Variants in SDK2 observed in about 807,000 individuals in gnomAD.
The protein encoded by SDK2 is protein sidekick-2.
A neutral mutation model predicts 253.9 loss-of-function variants in SDK2; 105 were observed. The ratio of observed to expected loss-of-function variants is 0.41; its 90% confidence interval spans 0.35 to 0.49. The LOEUF is 0.49. SDK2 is among the 20% of genes least tolerant of loss of function. SDK2 has a pLI of 0.06. For missense variants in SDK2, 2,608 were observed against 3,003.0 expected, an observed-to-expected ratio of 0.87 and a Z score of 3.07; for synonymous variants, 1,249 against 1,234.9, an observed-to-expected ratio of 1.01 and a Z score of -0.24.
At position 73,496,775 on chromosome 17, in the gene SDK2, C is replaced by G. The variant is rs2063844854; in HGVS notation, c.224+10663G>C. On this transcript the variant is annotated intron_variant, in intron 2 of 44. Coordinates refer to ENST00000392650, the MANE Select transcript of SDK2 (RefSeq NM_001144952.2). This position sits in a 1 kb window ranked among gnomAD's most constrained non-coding sequence, Gnocchi z 4.7. ...TGATTCCTACTTGCCTGTGAGGATT[C>G]CCCCTCCACTCCCTGCCCCGACTTG... 6.6e-6 allele frequency among the ~76,000 whole-genome samples: 1 copy of G among 152,140 alleles called. No homozygotes were observed. Among genetic ancestry groups the G allele is most frequent in the African/African-American group, 2.4e-5 (1 of 41,424 alleles).
At chr17:73,341,962 G>C (rs2062440779) in intron 44 of SDK2, among the ~76,000 whole-genome samples, 1 of 152,060 alleles carries the variant, frequency 6.6e-6, no homozygotes, top group Non-Finnish European at 1.5e-5. Context: ...GGGTTTTGCT[G>C]GGGAAGTGAT....
rs531663671 is a variant in SDK2, at chr17:73,644,188, C to G, written c.-100G>C. The G allele has an allele frequency of 6.9e-6, 7 of 1,007,336 alleles. No individual in the cohort carries two copies. In the African/African-American group the frequency reaches 9.6e-5, roughly 14 times the overall value. 62.4% of individuals were successfully genotyped at this position (1,007,336 alleles called of 1,614,324 possible). A position where few individuals can be genotyped will look rare whatever the true frequency, so the allele number is the denominator to read the frequency against. On this transcript the variant is annotated 5_prime_UTR_variant, in exon 1 of 45. Transcript: ENST00000392650. This position sits in a 1 kb window ranked among gnomAD's most constrained non-coding sequence, Gnocchi z 6.3. ...TACCCCGTGGCTTAGTCCCAGGAAA[C>G]AGTCAGTCTACGCGGCTCCGTGCCC...
At chr17:73,430,393 C>T in intron 12 of SDK2, 118 bp downstream of exon 12, 1 of 743,614 alleles carries the variant, frequency 1.3e-6, no homozygotes, top group Middle Eastern at 3.6e-4. Flanking sequence ...TGCCACTGCC[C>T]AGGAGAAGGC....
intron 1 of SDK2, among the ~76,000 whole-genome samples, chr17:73,582,960 G>T (rs2045556189): frequency 6.6e-6 from 1 of 152,128 alleles, no homozygotes; most frequent in African/African-American, 2.4e-5. Context: ...CTCTAACGTG[G>T]CAAGTGCCCT....
chr17:73,510,053 C>T lies in SDK2; in HGVS notation c.65-2456G>A, dbSNP rs538030376. ...GGTAGCTGGCTGTGGCTGGGTGCAG[C>T]GGGCCTTCTCCTGCACCCCAGGCTG... On this transcript the variant is annotated intron_variant, in intron 1 of 44. Transcript: ENST00000392650. Among the ~76,000 whole-genome samples, 11 of 151,944 alleles carry T rather than the reference C, an allele frequency of 7.2e-5. No homozygotes were observed. In the South Asian group the frequency reaches 2.1e-3, roughly 29 times the overall value.
intron 1 of SDK2, among the ~76,000 whole-genome samples, chr17:73,598,198 C>T (rs2045787143): frequency 6.6e-6 from 1 of 152,314 alleles, no homozygotes; most frequent in Middle Eastern, 3.4e-3. Context: ...GACTTTGGAG[C>T]CATCTAAGCA....
chr17:73,355,174 A>ATATATATATATATATATATT, intron 40 of SDK2, among the ~76,000 whole-genome samples: 25 of 47,218 alleles, frequency 5.3e-4, no homozygotes, highest in African/African-American at 6.5e-4. Context: ...ATATATATAT[A>ATATATATATATATATATATT]TTTTTTTTTT....
intron 19 of SDK2, 55 bp from the exon 20 acceptor site, chr17:73,401,807 C>A (rs1435724565): frequency 1.1e-5 from 16 of 1,490,714 alleles, no homozygotes; most frequent in Non-Finnish European, 1.2e-5. Context: ...CAGAGAGAGA[C>A]CACCATCTGT....
chr17:73,575,960 T>C (rs12103894), intron 1 of SDK2, among the ~76,000 whole-genome samples: 45,095 of 152,002 alleles, frequency 0.3, 6,987 homozygotes, highest in South Asian at 0.41. Context: ...TGCAGCCCAA[T>C]ACATGCAGCA....
At chr17:73,477,116 G>C (rs1189252088) in intron 2 of SDK2, among the ~76,000 whole-genome samples, 3 of 152,224 alleles carry the variant, frequency 2.0e-5, no homozygotes, top group Non-Finnish European at 2.9e-5. Flanking sequence ...GGGTGGAAGA[G>C]GCATTTGGCC....
intron 2 of SDK2, among the ~76,000 whole-genome samples, chr17:73,499,417 G>A (rs375642290): frequency 1.3e-5 from 2 of 152,224 alleles, no homozygotes; most frequent in Non-Finnish European, 1.5e-5. Context: ...CCCAGCCTGG[G>A]GCCGGCCAGA....
At chr17:73,469,983 C>CGCGCGCGT (rs780035896) in intron 3 of SDK2, among the ~76,000 whole-genome samples, 92 of 94,700 alleles carry the variant, frequency 9.7e-4, no homozygotes, top group African/African-American at 3.0e-3. Flanking sequence ...TTTGCGACTG[C>CGCGCGCGT]GCGCGCGCGC....
At chr17:73,547,007 C>A (rs185070633) in intron 1 of SDK2, among the ~76,000 whole-genome samples, 3 of 152,328 alleles carry the variant, frequency 2.0e-5, no homozygotes, top group Admixed American at 2.0e-4. Context: ...GACTCTGGAG[C>A]CAGGCACTGA....
chr17:73,399,175 T>C lies in SDK2; in HGVS notation c.3086A>G (p.Glu1029Gly). Reference sequence around the variant, plus strand: ...GCCCCAGGCCTGCCCTACCTGGGCTTCCACCAGCCAGCGGGAGATGGAGGT... The same window carrying C: ...GCCCCAGGCCTGCCCTACCTGGGCTCCCACCAGCCAGCGGGAGATGGAGGT... Reference protein sequence around the residue: ...GKTSISRWLVEAQVGVVGEGE... With the variant: ...GKTSISRWLVGAQVGVVGEGE... Residue 1029 changes from glutamate to glycine, a missense_variant, in exon 22 of 45, where the codon GAA becomes GGA. By Grantham distance (98) the Glu-to-Gly change is moderately conservative (BLOSUM62 -2). Around this residue, in one of 2 missense-constraint regions of SDK2, gnomAD observed 1,505 missense variants for 1,859.1 expected, o/e 0.81. Coordinates refer to ENST00000392650, the MANE Select transcript of SDK2 (RefSeq NM_001144952.2). 6.2e-7 allele frequency: 1 copy of C among 1,613,700 alleles called. No homozygotes were observed. The highest frequency in any genetic ancestry group is 8.5e-7 in the Non-Finnish European group (1 of 1,179,864).
chr17:73,348,590 T>C lies in SDK2; in HGVS notation c.6165+9A>G, dbSNP rs774163315. On this transcript the variant is annotated intron_variant, in intron 44 of 44. Transcript: ENST00000392650. ...CCCCCTGCAGGACACCTGGCCCTCC[T>C]GCCCTCACCTGAGAGTCGGAGATTT... The C allele has an allele frequency of 5.6e-6, 9 of 1,611,780 alleles. No individual in the cohort carries two copies. The South Asian group carries it at 7.7e-5, about 14-fold the overall frequency.
At position 73,541,083 on chromosome 17, in the gene SDK2, C is replaced by T. The variant is rs2054067926; in HGVS notation, c.65-33486G>A. Among the ~76,000 whole-genome samples the T allele has an allele frequency of 6.6e-6, 1 of 152,218 alleles. No homozygotes were observed. Among genetic ancestry groups the T allele is most frequent in the South Asian group, 2.1e-4 (1 of 4,830 alleles). On this transcript the variant is annotated intron_variant, in intron 1 of 44. Coordinates refer to ENST00000392650, the MANE Select transcript of SDK2 (RefSeq NM_001144952.2). This position sits in a 1 kb window ranked among gnomAD's most constrained non-coding sequence, Gnocchi z 4.3. ...CCTGAGAGTAGGTGTCTGCCAGTGT[C>T]TGCCCAGCCCCTAACATGGGGCACC...
chr17:73,626,301 G>A (rs2046200821), intron 1 of SDK2, among the ~76,000 whole-genome samples: 1 of 152,180 alleles, frequency 6.6e-6, no homozygotes, highest in African/African-American at 2.4e-5. Flanking sequence ...CTCGGGAGGG[G>A]GAGGACAGGG....
chr17:73,575,957 C>T (rs1031373977), intron 1 of SDK2, among the ~76,000 whole-genome samples: 7 of 152,118 alleles, frequency 4.6e-5, no homozygotes, highest in Non-Finnish European at 1.0e-4. Flanking sequence ...GTCTGCAGCC[C>T]AATACATGCA....
At chr17:73,490,825 C>T (rs1161906902) in intron 2 of SDK2, among the ~76,000 whole-genome samples, 1 of 151,902 alleles carries the variant, frequency 6.6e-6, no homozygotes, top group Admixed American at 6.6e-5. Flanking sequence ...CCACACCTGG[C>T]CCCAGGCAGT....
Sources: allele counts gnomAD v4.1 joint callset (sites outside exome capture counted in the v4.1 genomes callset), GRCh38; gene constraint gnomAD v4.1.1; regional missense constraint gnomAD v4.1.1; non-coding constraint Gnocchi (gnomAD v3.1); transcripts MANE v1.5; gene names NCBI Gene and HGNC (gene_info 2026-07-23, HGNC 2026-07-21).